CDH13: variants seen among roughly 807,000 people sequenced by gnomAD.
The protein encoded by CDH13 is cadherin-13.
Under a neutral mutation model 63.8 loss-of-function variants are expected in CDH13, and 24 were observed. The ratio of observed to expected loss-of-function variants is 0.38; its 90% confidence interval spans 0.27 to 0.53. The LOEUF (loss-of-function observed/expected upper bound fraction) is 0.53, where lower values mean the gene tolerates loss of function less well. CDH13 is among the 20% of genes least tolerant of loss of function. The pLI is 0.85. For synonymous variants in CDH13, 503 were observed against 355.3 expected, an observed-to-expected ratio of 1.42 and a Z score of -4.67; for missense variants, 1,049 against 903.1, an observed-to-expected ratio of 1.16 and a Z score of -2.07.
chr16:83,379,934 T>TAGAGAGAG (rs367543331), intron 6 of CDH13, among the ~76,000 whole-genome samples: 14 of 86,694 alleles, frequency 1.6e-4, no homozygotes, highest in South Asian at 1.3e-3. Context: ...TATATATATA[T>TAGAGAGAG]ATATAGAGAG....
At chr16:83,699,630 C>T (rs933260964) in intron 10 of CDH13, among the ~76,000 whole-genome samples, 1 of 152,106 alleles carries the variant, frequency 6.6e-6, no homozygotes, top group African/African-American at 2.4e-5. Flanking sequence ...CACATATGCA[C>T]ACACACGTGT....
intron 6 of CDH13, among the ~76,000 whole-genome samples, chr16:83,364,527 G>A (rs1309219181): frequency 6.6e-6 from 1 of 152,136 alleles, no homozygotes; most frequent in Non-Finnish European, 1.5e-5. Flanking sequence ...AAGACCATGT[G>A]AACCTGTCTA....
intron 7 of CDH13, among the ~76,000 whole-genome samples, chr16:83,514,175 AT>A (rs1373985977): frequency 6.6e-6 from 1 of 152,172 alleles, no homozygotes; most frequent in Non-Finnish European, 1.5e-5. Context: ...AATCCTCACA[AT>A]TACTCCATGC....
At chr16:83,669,530 T>C (rs1914315683) in intron 8 of CDH13, among the ~76,000 whole-genome samples, 2 of 152,130 alleles carry the variant, frequency 1.3e-5, no homozygotes, top group South Asian at 4.1e-4. Context: ...CCCTTCTCAT[T>C]CCCACTATTT....
chr16:82,684,421 C>G (rs1029417917), intron 1 of CDH13, among the ~76,000 whole-genome samples: 4 of 152,034 alleles, frequency 2.6e-5, no homozygotes, highest in African/African-American at 9.7e-5. Context: ...AAGAGGATGC[C>G]TAGATGTCTG....
intron 10 of CDH13, among the ~76,000 whole-genome samples, chr16:83,737,967 G>A (rs1252083163): frequency 1.3e-5 from 2 of 152,146 alleles, no homozygotes; most frequent in Non-Finnish European, 2.9e-5. Flanking sequence ...GGTTGATGAG[G>A]CAATGGCAGA....
intron 7 of CDH13, among the ~76,000 whole-genome samples, chr16:83,518,479 T>C (rs989132065): frequency 2.2e-5 from 3 of 135,924 alleles, no homozygotes; most frequent in Non-Finnish European, 4.7e-5. Flanking sequence ...TTTTTGTTTT[T>C]TGTTTTTTTT....
chr16:82,642,408 G>A (rs1008587168), intron 1 of CDH13, among the ~76,000 whole-genome samples: 8 of 152,178 alleles, frequency 5.3e-5, no homozygotes, highest in South Asian at 2.1e-4. Flanking sequence ...TATAATGCAC[G>A]CAGTAATGTA....
intron 3 of CDH13, among the ~76,000 whole-genome samples, chr16:83,105,084 C>A (rs138071307): frequency 3.3e-5 from 5 of 152,194 alleles, no homozygotes; most frequent in Non-Finnish European, 7.4e-5. Flanking sequence ...TGTGCCATGG[C>A]GGTTTGCTGC....
At chr16:82,837,789 G>C (rs2038832023) in intron 1 of CDH13, among the ~76,000 whole-genome samples, 7 of 152,158 alleles carry the variant, frequency 4.6e-5, no homozygotes, top group Admixed American at 4.6e-4. Flanking sequence ...CTGACTCCCG[G>C]AAGAAAAGCA....
chr16:83,308,644 C>A (rs373588794), intron 5 of CDH13, among the ~76,000 whole-genome samples: 4 of 152,308 alleles, frequency 2.6e-5, no homozygotes, highest in South Asian at 2.1e-4. Context: ...ATGGAAAGAA[C>A]CTTTCCTAAG....
intron 6 of CDH13, among the ~76,000 whole-genome samples, chr16:83,455,947 G>C (rs1217721701): frequency 6.6e-6 from 1 of 152,246 alleles, no homozygotes; most frequent in Admixed American, 6.5e-5. Flanking sequence ...TGTGGAATAA[G>C]AGGCATGTTG....
At chr16:83,084,691 C>A (rs2033468344) in intron 3 of CDH13, among the ~76,000 whole-genome samples, 1 of 152,050 alleles carries the variant, frequency 6.6e-6, no homozygotes, top group Non-Finnish European at 1.5e-5. Flanking sequence ...GAGTTTGAGA[C>A]CGGCCTGGCC....
At chr16:83,659,546 A>G (rs1201574386) in intron 8 of CDH13, among the ~76,000 whole-genome samples, 2 of 152,264 alleles carry the variant, frequency 1.3e-5, no homozygotes, top group African/African-American at 2.4e-5. Flanking sequence ...CATTAGAATC[A>G]CAGGGGGGTG....
chr16:83,405,336 G>C (rs531997862), intron 6 of CDH13, among the ~76,000 whole-genome samples: 16 of 152,296 alleles, frequency 1.1e-4, no homozygotes, highest in African/African-American at 3.8e-4. Flanking sequence ...AAGGGACTGT[G>C]AAGGTGTGAT....
At chr16:82,948,469 C>T (rs569720703) in intron 2 of CDH13, among the ~76,000 whole-genome samples, 30 of 152,274 alleles carry the variant, frequency 2.0e-4, no homozygotes, top group African/African-American at 7.0e-4. Flanking sequence ...CCAAAAAATA[C>T]ATTTGTGTTT....
chr16:83,171,763 T>G (rs2037928705), intron 4 of CDH13, among the ~76,000 whole-genome samples: 1 of 152,090 alleles, frequency 6.6e-6, no homozygotes, highest in Non-Finnish European at 1.5e-5. Context: ...TGTTTTCAGG[T>G]AGTATTGTAG....
rs531480911 is a variant in CDH13 at position 83,019,778 on chromosome 16, G to C, written c.158-12232G>C. Among the ~76,000 whole-genome samples, 7 of 147,510 alleles carry C rather than the reference G, an allele frequency of 4.7e-5. No homozygotes were observed. The Admixed American group carries it at 4.8e-4, about 10-fold the overall frequency. On this transcript the variant is annotated intron_variant, in intron 2 of 13. Transcript: ENST00000567109. ...CCCAAAGTGCTGGGATTACAAGCGT[G>C]AGCCACCATGCCCGGCCAGTAAACC...
intron 1 of CDH13, among the ~76,000 whole-genome samples, chr16:82,758,120 A>G (rs918479319): frequency 5.3e-5 from 8 of 152,134 alleles, no homozygotes; most frequent in African/African-American, 1.9e-4. Flanking sequence ...GTAGTCTCCA[A>G]GGGACATTTT....
Sources: gnomAD v4.1 joint callset for allele counts (sites outside exome capture counted in the v4.1 genomes callset) on GRCh38, gnomAD v4.1.1 for gene constraint, MANE v1.5 for transcripts, NCBI Gene and HGNC (gene_info 2026-07-23, HGNC 2026-07-21) for gene names.